NBPF15: variants seen among roughly 807,000 people sequenced by gnomAD.
The protein encoded by NBPF15 is NBPF family member NBPF15.
A neutral mutation model predicts 62.2 loss-of-function variants in NBPF15; 74 were observed. The observed-to-expected ratio is 1.19, with a 90% confidence interval of 0.99 to 1.44. NBPF15 has a LOEUF of 1.44. NBPF15 is among the 40% of genes most tolerant of loss of function. The pLI is 0.00. For synonymous variants in NBPF15, 244 were observed against 209.7 expected (o/e 1.16, Z -1.41); for missense variants, 790 against 550.0 (o/e 1.44, Z -4.36).
At chr1:144,440,371 C>T (rs1467126180) in intron 6 of NBPF15, 76 bp from the exon 7 acceptor site, 10 of 851,176 alleles carry the variant, frequency 1.2e-5, no homozygotes, top group Non-Finnish European at 1.8e-5. Flanking sequence ...ATTGCCCAGG[C>T]TTTGCTGAAA....
At chr1:144,423,672 C>T (rs1238996037) in intron 21 of NBPF15, among the ~76,000 whole-genome samples, 198 bp downstream of exon 21, 1 of 151,894 alleles carries the variant, frequency 6.6e-6, no homozygotes, top group Admixed American at 6.6e-5. Context: ...TATGGTCAAC[C>T]TATGGTACGT....
Position 144,456,338 on chromosome 1 carries a change from C to T in NBPF15, c.-432+199G>A, listed in dbSNP as rs587770868. ...CTGAGGTAAAATCACTTCCACCTGACGACGGCACTGCAGGTCGAGGGTGGC... is the reference window on the plus strand; with the variant it reads ...CTGAGGTAAAATCACTTCCACCTGATGACGGCACTGCAGGTCGAGGGTGGC... On this transcript the variant is annotated intron_variant, in intron 4 of 21. Coordinates refer to ENST00000581897, the MANE Select transcript of NBPF15 (RefSeq NM_001385408.1). Among the ~76,000 whole-genome samples, 32 of 152,080 alleles carry T rather than the reference C, an allele frequency of 2.1e-4. No homozygotes were observed. In the East Asian group the frequency reaches 2.1e-3, roughly 10 times the overall value.
At position 144,439,868 on chromosome 1, in the gene NBPF15, G is replaced by A. The variant is rs1681534667; in HGVS notation, c.136C>T (p.Gln46Ter). The change falls in exon 8 of 22, where the codon CAA becomes TAA. Residue 46 changes from glutamine to a stop codon, truncating the protein, a stop_gained. Transcript: ENST00000581897. LOFTEE classifies it high-confidence loss of function. The stretch of plus-strand genomic sequence containing the variant: ...CGGTTGGCCAGGAAGCCGGCCAGTT[G>A]AGTTAGAAAACATTTCTCTTTGAGG... ...RNLKEKCFLT[Q>*]LAGFLANRQK... is the part of the protein sequence containing the mutation. The A allele has an allele frequency of 3.7e-6, 6 of 1,610,194 alleles. 1 individual carries two copies. In the Admixed American group the frequency reaches 1.0e-4, roughly 27 times the overall value.
At chr1:144,455,211 G>A (rs1415395215) in intron 4 of NBPF15, among the ~76,000 whole-genome samples, 8 of 146,192 alleles carry the variant, frequency 5.5e-5, no homozygotes, top group Non-Finnish European at 6.0e-5. Flanking sequence ...GAAGGCAGAA[G>A]GGAAGGAGGG....
At chr1:144,444,014 C>T (rs1473422696) in intron 6 of NBPF15, among the ~76,000 whole-genome samples, 2 of 151,906 alleles carry the variant, frequency 1.3e-5, no homozygotes, top group South Asian at 2.1e-4. Context: ...TTTTGTGTTG[C>T]CTTCTTTCAT....
At chr1:144,442,129 GTGTA>G (rs1332098880) in intron 6 of NBPF15, among the ~76,000 whole-genome samples, 4 of 1,156 alleles carry the variant, frequency 3.5e-3, no homozygotes, top group Non-Finnish European at 0.018. Flanking sequence ...ATATATACAC[GTGTA>G]TATATATATA....
chr1:144,435,410 G>C, intron 11 of NBPF15, 94 bp from the exon 12 acceptor site: 1 of 1,449,752 alleles, frequency 6.9e-7, no homozygotes, highest in Non-Finnish European at 9.7e-7. Context: ...GCGGCATTAA[G>C]AGAGTGGTCC....
At chr1:144,423,338 A>C in intron 21 of NBPF15, 82 bp from the exon 22 acceptor site, 2 of 1,610,042 alleles carry the variant, frequency 1.2e-6, no homozygotes, top group Middle Eastern at 2.3e-4. Context: ...AAGTAATATA[A>C]GGAAGTGGTT....
In NBPF15 at chr1:144,423,127, G is replaced by A. The variant is rs74519905; in HGVS notation, c.1899C>T (p.Tyr633=). The change falls in exon 22 of 22, where the codon TAC becomes TAT. Residue 633 remains tyrosine (Y), a synonymous_variant. Transcript: ENST00000581897. ...AGCTGATATGCTCTTCCTCAAATGA[G>A]TAAAACACACTTCTGTAGTGCTGGA... ...DSFQHYRSVF[Y]SFEEEHISFA... The A allele has an allele frequency of 1.2e-6, 2 of 1,611,604 alleles. No individual in the cohort carries two copies. Among genetic ancestry groups the A allele is most frequent in the East Asian group, 2.2e-5 (1 of 44,866 alleles).
chr1:144,424,119 A>C (rs1320246790), intron 20 of NBPF15, 144 bp from the exon 21 acceptor site: 7 of 732,476 alleles, frequency 9.6e-6, no homozygotes, highest in Non-Finnish European at 1.5e-5. Flanking sequence ...AGGAGGTCTG[A>C]AGGCTGGTCA....
chr1:144,455,097 A>AAGGG (rs1693573732), intron 4 of NBPF15, among the ~76,000 whole-genome samples: 1 of 136,502 alleles, frequency 7.3e-6, no homozygotes, highest in Non-Finnish European at 1.5e-5. Context: ...AGGAGGAAGG[A>AAGGG]AGGAAGGAAG....
At chr1:144,441,591 T>C (rs1157835421) in intron 6 of NBPF15, among the ~76,000 whole-genome samples, 1 of 149,414 alleles carries the variant, frequency 6.7e-6, no homozygotes, top group Non-Finnish European at 1.5e-5. Flanking sequence ...AGATAGCGTT[T>C]AAGTTGTTAA....
At chr1:144,442,158 ACG>A (rs1683566633) in intron 6 of NBPF15, among the ~76,000 whole-genome samples, 1 of 1,618 alleles carries the variant, frequency 6.2e-4, no homozygotes, top group Non-Finnish European at 1.5e-3. Flanking sequence ...ATATATATAC[ACG>A]TGTATATATA....
chr1:144,423,226 C>T lies in NBPF15; in HGVS notation c.1800G>A (p.Glu600=), dbSNP rs587634015. The T allele has an allele frequency of 1.3e-4, 203 of 1,611,556 alleles. 1 individual carries two copies. Among genetic ancestry groups the T allele is most frequent in the East Asian group, 6.7e-5 (3 of 44,862 alleles). Residue 600 remains glutamate, a synonymous_variant, in exon 22 of 22, where the codon GAG becomes GAA. Transcript: ENST00000581897. ...CCAGTGAGTCCTGTAAGACTTCAGG[C>T]TCTTCCACTTCCATCAGCACGCCGT... The part of the protein sequence containing the change: ...RLYGVLMEVE[E]PEVLQDSLDR...
intron 13 of NBPF15, among the ~76,000 whole-genome samples, chr1:144,431,033 G>A (rs1248689976): frequency 1.3e-5 from 2 of 151,754 alleles, no homozygotes; most frequent in Non-Finnish European, 2.9e-5. Context: ...AGAAAAAAGA[G>A]TAAAAAGAAA....
chr1:144,440,248 A>G lies in NBPF15; in HGVS notation c.-143T>C. The G allele has an allele frequency of 6.6e-7, 1 of 1,516,520 alleles. No individual in the cohort carries two copies. The highest frequency in any genetic ancestry group is 8.8e-7 in the Non-Finnish European group (1 of 1,130,538). The allele number at this position is 1,516,520 out of a possible 1,614,324, so 93.9% of individuals were successfully genotyped here. On this transcript the variant is annotated 5_prime_UTR_variant, in exon 7 of 22. Transcript: ENST00000581897. ...GCTGAAAGCACTGTCAGTAGCGCAGACTCTGATAAGAGTGAGGTAGATTGT... is the reference window on the plus strand; with the variant it reads ...GCTGAAAGCACTGTCAGTAGCGCAGGCTCTGATAAGAGTGAGGTAGATTGT...
chr1:144,423,461 G>GAGAGAC (rs782391341), intron 21 of NBPF15, among the ~76,000 whole-genome samples: 10 of 151,886 alleles, frequency 6.6e-5, no homozygotes, highest in African/African-American at 9.7e-5. Context: ...GACAGAGAGA[G>GAGAGAC]AGAGACAGAG....
At chr1:144,438,699 T>G (rs1476203950) in intron 8 of NBPF15, among the ~76,000 whole-genome samples, 1 of 151,902 alleles carries the variant, frequency 6.6e-6, no homozygotes, top group Admixed American at 6.6e-5. Flanking sequence ...TCTAGGAGAT[T>G]GACAAGAAAT....
At chr1:144,430,809 A>C (rs1304249383) in intron 13 of NBPF15, among the ~76,000 whole-genome samples, 10 of 145,490 alleles carry the variant, frequency 6.9e-5, no homozygotes, top group African/African-American at 2.6e-4. Flanking sequence ...ACTCATCTCA[A>C]GGAAGCTAAA....
Sources: gnomAD v4.1 joint callset for allele counts (sites outside exome capture counted in the v4.1 genomes callset) on GRCh38, gnomAD v4.1.1 for gene constraint, MANE v1.5 for transcripts, NCBI Gene and HGNC (gene_info 2026-07-23, HGNC 2026-07-21) for gene names.